The following MTHFD1L variants were observed in gnomAD, a reference collection of about 807,000 sequenced individuals.
MTHFD1L encodes methylenetetrahydrofolate dehydrogenase (NADP+ dependent) 1 like, also known as monofunctional C1-tetrahydrofolate synthase, mitochondrial.
A neutral mutation model predicts 119.5 loss-of-function variants in MTHFD1L; 81 were observed. The ratio of observed to expected loss-of-function variants is 0.68; its 90% CI spans 0.57 to 0.82. The LOEUF is 0.82. Ranked by LOEUF, MTHFD1L falls within the 40% of genes least tolerant of loss-of-function variation. The pLI is 0.00. For missense variants in MTHFD1L, 1,125 were observed against 1,253.4 expected (o/e 0.90, Z 1.55); for synonymous variants, 430 against 475.2 (o/e 0.90, Z 1.24).
chr6:150,926,341 A>C lies in MTHFD1L; in HGVS notation c.1256+46A>C. 6.5e-7 allele frequency: 1 copy of C among 1,541,216 alleles called. No individual in the cohort carries two copies. The highest frequency in any genetic ancestry group is 2.3e-5 in the East Asian group (1 of 43,976). On this transcript the variant is annotated intron_variant, in intron 11 of 27. Transcript: ENST00000367321. The surrounding 1 kb of genome is among the most constrained non-coding windows in gnomAD (Gnocchi z 4.3). ...TACTTGATCAAGCAGACATATTTAC[A>C]AAACTCTTCCCTATTTATCTCTCTC... is the stretch of plus-strand genomic sequence containing the variant.
intron 24 of MTHFD1L, among the ~76,000 whole-genome samples, chr6:151,019,351 A>C (rs66554216): frequency 0.23 from 34,876 of 152,154 alleles, 4,325 homozygotes; most frequent in Middle Eastern, 0.3. Context: ...CCAGGTGAAA[A>C]AGAGGTCAGT....
intron 26 of MTHFD1L, among the ~76,000 whole-genome samples, chr6:151,047,762 C>T (rs1306080146): frequency 6.6e-6 from 1 of 152,178 alleles, no homozygotes; most frequent in Non-Finnish European, 1.5e-5. Flanking sequence ...ATCTGTGTTT[C>T]TTCTCTGAAT....
At chr6:150,996,876 T>C (rs1779871324) in intron 20 of MTHFD1L, among the ~76,000 whole-genome samples, 1 of 152,204 alleles carries the variant, frequency 6.6e-6, no homozygotes, top group Non-Finnish European at 1.5e-5. Flanking sequence ...AATGCTATGC[T>C]TCTTTCATCC....
chr6:151,007,482 T>C (rs2128476854), intron 20 of MTHFD1L, among the ~76,000 whole-genome samples: 1 of 152,310 alleles, frequency 6.6e-6, no homozygotes, highest in Non-Finnish European at 1.5e-5. Flanking sequence ...GAGTTCTCAG[T>C]ATGCACCAAG....
At chr6:151,016,736 A>AAT (rs751603348) in intron 24 of MTHFD1L, 8 of 340,772 alleles carry the variant, frequency 2.3e-5, no homozygotes, top group South Asian at 7.2e-5. Flanking sequence ...CATTGTGGTA[A>AAT]ATATATATAT....
In MTHFD1L at chr6:151,092,724, A is replaced by C. The variant is rs1447710878; in HGVS notation, c.*31+137A>C. 14 of 604,788 alleles carry C rather than the reference A, an allele frequency of 2.3e-5. No homozygotes were observed. In the South Asian group the frequency reaches 2.9e-4, roughly 13 times the overall value. The allele number at this position is 604,788 out of a possible 1,614,324, so 37.5% of individuals were successfully genotyped here. A position where few individuals can be genotyped will look rare whatever the true frequency, so the allele number is the denominator to read the frequency against. The stretch of plus-strand genomic sequence containing the variant: ...TCCTTTGTTACTCAAATTCCTACCA[A>C]ATGATTTTCCGTGACTGGAGTTCAC... On this transcript the variant is annotated intron_variant, in intron 27 of 27. Transcript: ENST00000367321.
Position 150,930,470 on chromosome 6 carries a change from C to T in MTHFD1L, c.1256+4175C>T, listed in dbSNP as rs115066494. ...TATTTCCTTTTTCTAAAAGTCTTTT[C>T]TAATTCTGAAAATAATATTAGCTTA... On this transcript the variant is annotated intron_variant, in intron 11 of 27. Transcript: ENST00000367321. Among the ~76,000 whole-genome samples, 851 of 152,082 alleles carry T rather than the reference C, an allele frequency of 5.6e-3. 2 individuals carry two copies. The highest frequency in any genetic ancestry group is 0.011 in the South Asian group (53 of 4,818).
At chr6:150,935,488 C>T in intron 11 of MTHFD1L, 1 of 1,595,828 alleles carries the variant, frequency 6.3e-7, no homozygotes. Context: ...TAGGAGATGG[C>T]CTAAAGGAAG....
chr6:151,015,397 T>G (rs1782903006), intron 23 of MTHFD1L, 119 bp from the exon 24 acceptor site: 2 of 1,158,320 alleles, frequency 1.7e-6, no homozygotes, highest in South Asian at 3.2e-5. Context: ...TGTGACCACT[T>G]TTGATGTTTA....
chr6:150,988,988 C>A (rs1375926835), intron 20 of MTHFD1L, among the ~76,000 whole-genome samples: 2 of 152,252 alleles, frequency 1.3e-5, no homozygotes, highest in African/African-American at 4.8e-5. Context: ...GATCTGCCCA[C>A]CTCAGCTTCC....
intron 20 of MTHFD1L, among the ~76,000 whole-genome samples, chr6:150,979,786 C>T (rs554925333): frequency 1.1e-4 from 16 of 152,208 alleles, no homozygotes; most frequent in Admixed American, 2.6e-4. Flanking sequence ...AGCTGTGCAC[C>T]ACTGCACCCA....
chr6:151,023,650 A>G (rs1051838522), intron 24 of MTHFD1L, among the ~76,000 whole-genome samples: 6 of 152,206 alleles, frequency 3.9e-5, no homozygotes, highest in Admixed American at 6.5e-5. Flanking sequence ...TGAGAAAAAA[A>G]CAGTGGCCTG....
At chr6:150,939,040 T>C (rs371085162) in intron 13 of MTHFD1L, among the ~76,000 whole-genome samples, 1 of 152,300 alleles carries the variant, frequency 6.6e-6, no homozygotes, top group Non-Finnish European at 1.5e-5. Context: ...TTGGGGTGTT[T>C]TACAAATAAA....
chr6:150,899,396 A>T (rs1784762419), intron 7 of MTHFD1L, among the ~76,000 whole-genome samples: 1 of 152,230 alleles, frequency 6.6e-6, no homozygotes, highest in Non-Finnish European at 1.5e-5. Context: ...AAAGGAAAAA[A>T]ATTCTCCCAG....
intron 27 of MTHFD1L, chr6:151,099,613 A>G (rs1348214966): frequency 1.2e-6 from 2 of 1,610,064 alleles, no homozygotes; most frequent in East Asian, 4.5e-5. Flanking sequence ...CCATTATGTC[A>G]AAATTAAGCG....
At chr6:150,924,760 G>C (rs1419616992) in intron 10 of MTHFD1L, among the ~76,000 whole-genome samples, 3 of 152,254 alleles carry the variant, frequency 2.0e-5, no homozygotes, top group Admixed American at 1.3e-4. Flanking sequence ...TTACAGGCGT[G>C]AGCCTCTGCA....
At chr6:150,957,078 CT>C (rs1795758628) in intron 17 of MTHFD1L, among the ~76,000 whole-genome samples, 1 of 152,206 alleles carries the variant, frequency 6.6e-6, no homozygotes, top group African/African-American at 2.4e-5. Flanking sequence ...AGCATTCTTG[CT>C]TTTCATGTTC....
intron 26 of MTHFD1L, among the ~76,000 whole-genome samples, chr6:151,081,951 C>T (rs1332294445): frequency 6.6e-6 from 1 of 152,172 alleles, no homozygotes; most frequent in Non-Finnish European, 1.5e-5. Flanking sequence ...CCTCCAGCTT[C>T]TCCTTAAAGG....
At chr6:151,022,046 G>T (rs752998279) in intron 24 of MTHFD1L, 1 of 471,196 alleles carries the variant, frequency 2.1e-6, no homozygotes, top group Non-Finnish European at 4.4e-6. Context: ...CTTGATCCCA[G>T]TGGGGGCTGG....
Sources: allele counts gnomAD v4.1 joint callset (sites outside exome capture counted in the v4.1 genomes callset), GRCh38; gene constraint gnomAD v4.1.1; non-coding constraint Gnocchi (gnomAD v3.1); transcripts MANE v1.5; gene names NCBI Gene and HGNC (gene_info 2026-07-23, HGNC 2026-07-21).